Variants in TRIM5 observed in about 807,000 individuals in gnomAD.
TRIM5 encodes the protein tripartite motif containing 5.
A neutral mutation model predicts 35.6 loss-of-function variants in TRIM5; 31 were observed. The ratio of observed to expected loss-of-function variants is 0.87; its 90% CI spans 0.65 to 1.18. The LOEUF (loss-of-function observed/expected upper bound fraction) is 1.18. Ranked by LOEUF, TRIM5 falls within the 50% of genes most tolerant of loss-of-function variation. TRIM5 has a pLI of 0.00. For missense variants in TRIM5, 609 were observed against 591.6 expected (o/e 1.03, Z -0.31); for synonymous variants, 243 against 215.6 (o/e 1.13, Z -1.11).
chr11:5,678,557 T>G, intron 3 of TRIM5, 123 bp from the exon 4 acceptor site: 1 of 742,722 alleles, frequency 1.3e-6, no homozygotes, highest in Non-Finnish European at 2.2e-6. Flanking sequence ...GGAGAGTAGG[T>G]CTTAGGAAAG....
the TRIM5 span, chr11:5,611,029 T>C: frequency 6.2e-7 from 1 of 1,614,104 alleles, no homozygotes; most frequent in Non-Finnish European, 8.5e-7. Flanking sequence ...TTCAACCATT[T>C]TGCTCAAAAT....
chr11:5,650,539 A>G, the TRIM5 span, among the ~76,000 whole-genome samples: 4 of 152,206 alleles, frequency 2.6e-5, no homozygotes, highest in African/African-American at 9.7e-5. Context: ...ATTTTCCATG[A>G]GGACATACCT....
At chr11:5,674,909 C>T (rs775427702) in intron 4 of TRIM5, among the ~76,000 whole-genome samples, 2 of 151,904 alleles carry the variant, frequency 1.3e-5, no homozygotes, top group South Asian at 2.1e-4. Flanking sequence ...GAGTTGAGGC[C>T]GATATTGGTA....
At chr11:5,616,184 T>C in the TRIM5 span, among the ~76,000 whole-genome samples, 111,327 of 137,088 alleles carry the variant, frequency 0.81, 45,683 homozygotes, top group East Asian at 0.93. Context: ...ATCTCCTGAC[T>C]TCGTGATCCA....
chr11:5,643,817 CT>C, the TRIM5 span: 1 of 1,395,006 alleles, frequency 7.2e-7, no homozygotes, highest in Non-Finnish European at 9.7e-7. Context: ...TTCTTTAGAA[CT>C]TTTACTCATC....
chr11:5,682,717 C>A (rs1426008134), intron 1 of TRIM5, among the ~76,000 whole-genome samples: 2 of 152,210 alleles, frequency 1.3e-5, no homozygotes, highest in Admixed American at 6.5e-5. Flanking sequence ...CTCCCCCACA[C>A]GACACCAAAC....
At chr11:5,655,688 A>T in the TRIM5 span, 1 of 985,340 alleles carries the variant, frequency 1.0e-6, no homozygotes, top group Non-Finnish European at 1.2e-6. Context: ...TAGTGACGTC[A>T]TCTGGCATAT....
At chr11:5,612,205 TAATA>T in the TRIM5 span, 1 of 152,222 alleles carries the variant, frequency 6.6e-6, no homozygotes, top group Non-Finnish European at 1.5e-5. Flanking sequence ...TACATTCTTG[TAATA>T]TCTTTGCCAG....
At chr11:5,641,736 C>T in the TRIM5 span, among the ~76,000 whole-genome samples, 2 of 152,192 alleles carry the variant, frequency 1.3e-5, no homozygotes, top group East Asian at 1.9e-4. Context: ...ACTTTAGAAG[C>T]TCCTATGGAA....
At chr11:5,640,920 A>G in the TRIM5 span, among the ~76,000 whole-genome samples, 7 of 117,422 alleles carry the variant, frequency 6.0e-5, no homozygotes, top group Non-Finnish European at 1.2e-4. Flanking sequence ...AAGATTATCT[A>G]ATTTGTTGGC....
chr11:5,651,294 T>C, the TRIM5 span, among the ~76,000 whole-genome samples: 1 of 152,332 alleles, frequency 6.6e-6, no homozygotes, highest in East Asian at 1.9e-4. Context: ...AGATTTCTTA[T>C]ATAAGTAAAC....
At chr11:5,591,710 G>T in the TRIM5 span, among the ~76,000 whole-genome samples, 24,503 of 152,154 alleles carry the variant, frequency 0.16, 2,342 homozygotes, top group Middle Eastern at 0.31. Flanking sequence ...GTGATGCTGG[G>T]AGACATGATC....
At chr11:5,675,108 A>G (rs1046487905) in intron 4 of TRIM5, among the ~76,000 whole-genome samples, 15 of 151,912 alleles carry the variant, frequency 9.9e-5, no homozygotes, top group Non-Finnish European at 2.9e-5. Flanking sequence ...GGCTCACTGC[A>G]AGCTCCGCCT....
the TRIM5 span, among the ~76,000 whole-genome samples, chr11:5,609,803 G>A: frequency 9.2e-5 from 14 of 152,120 alleles, no homozygotes; most frequent in Non-Finnish European, 1.9e-4. Flanking sequence ...CGCGCCTGTA[G>A]TCCCAGCTAC....
chr11:5,642,781 T>A, the TRIM5 span: 1 of 1,613,688 alleles, frequency 6.2e-7, no homozygotes, highest in African/African-American at 1.3e-5. Flanking sequence ...ACTCCTTTGT[T>A]TCTAATCAGC....
downstream of TRIM5, among the ~76,000 whole-genome samples, chr11:5,661,205 AAGG>A (rs1239352612): frequency 1.3e-5 from 2 of 152,142 alleles, no homozygotes; most frequent in South Asian, 2.1e-4. Context: ...TAGCATCAAG[AAGG>A]AGTATTGGTT....
At chr11:5,595,161 T>C in the TRIM5 span, 2 of 152,236 alleles carry the variant, frequency 1.3e-5, no homozygotes, top group African/African-American at 4.8e-5. Context: ...GACTTTTGTA[T>C]GGACACCCCA....
At chr11:5,590,208 AC>A in the TRIM5 span, 4 of 164,806 alleles carry the variant, frequency 2.4e-5, no homozygotes, top group South Asian at 1.4e-4. Context: ...AACGAGTGCC[AC>A]CCCCTGCTCC....
the TRIM5 span, chr11:5,643,123 A>ATC: frequency 9.2e-7 from 1 of 1,084,928 alleles, no homozygotes; most frequent in Non-Finnish European, 1.2e-6. Flanking sequence ...ACATATATAT[A>ATC]TATTTTTTTT....
Sources: gnomAD v4.1 joint callset for allele counts (sites outside exome capture counted in the v4.1 genomes callset) on GRCh38, gnomAD v4.1.1 for gene constraint, MANE v1.5 for transcripts, NCBI Gene and HGNC (gene_info 2026-07-23, HGNC 2026-07-21) for gene names.